Variants in DNPEP observed in about 807,000 individuals in gnomAD.
DNPEP encodes the protein aspartyl aminopeptidase.
In DNPEP, 46 loss-of-function variants were observed where a neutral mutation model predicts 59.1. That is an observed-to-expected ratio of 0.78 (90% CI 0.61 to 0.99). The LOEUF is 0.99. Among genes scored for constraint, DNPEP ranks in the 50% least tolerant of loss-of-function variants. The pLI, the probability that DNPEP is intolerant of heterozygous loss-of-function variation, is 0.00. For missense variants in DNPEP, 617 were observed against 649.9 expected (o/e 0.95, Z 0.55); for synonymous variants, 229 against 242.2 (o/e 0.95, Z 0.50).
upstream of DNPEP, among the ~76,000 whole-genome samples, chr2:219,389,520 C>T (rs1204604505): frequency 6.6e-6 from 1 of 152,118 alleles, no homozygotes; most frequent in East Asian, 1.9e-4. Flanking sequence ...CATGGCATTC[C>T]CTAACCGTTT....
Position 219,386,331 on chromosome 2 carries a change from G to A in DNPEP, c.414C>T (p.Thr138=), listed in dbSNP as rs1953830754. 2 of 1,614,066 alleles carry A rather than the reference G, an allele frequency of 1.2e-6. No individual in the cohort carries two copies. Among genetic ancestry groups the A allele is most frequent in the African/African-American group, 1.3e-5 (1 of 74,910 alleles). The change falls in exon 5 of 15, where the codon ACC becomes ACT. Residue 138 remains threonine (T), a synonymous_variant. Coordinates refer to ENST00000273075, the MANE Select transcript of DNPEP (RefSeq NM_012100.4). The part of the protein sequence containing the change: ...VETYGGGIWS[T]WFDRDLTLAG... ...CCAGAGTCAGGTCACGGTCAAACCA[G>A]GTGCTCCAGATCCCACCACCATAGG...
At chr2:219,384,812 C>A in intron 8 of DNPEP, 1 of 198,388 alleles carries the variant, frequency 5.0e-6, no homozygotes, top group South Asian at 7.6e-5. Flanking sequence ...CATGTGATTC[C>A]CCCCGCCTCA....
upstream of DNPEP, among the ~76,000 whole-genome samples, chr2:219,392,865 A>G (rs992868119): frequency 6.6e-6 from 1 of 151,646 alleles, no homozygotes; most frequent in Non-Finnish European, 1.5e-5. Context: ...TGTCTTCATG[A>G]CTCTCCTACC....
At chr2:219,397,562 A>G (rs1185009400) in intron 1 of DNPEP, among the ~76,000 whole-genome samples, 2 of 152,202 alleles carry the variant, frequency 1.3e-5, no homozygotes, top group African/African-American at 4.8e-5. Context: ...TTAAGACATT[A>G]CACTGGAGAT....
In DNPEP at chr2:219,385,616, A is replaced by C; in HGVS notation, c.666+15T>G. Reference sequence around the variant, plus strand: ...GGACTCTGCCGCCCTCCCCATGATCAGGAGACTCTCTTACCACAGCATTGA... The same window carrying C: ...GGACTCTGCCGCCCTCCCCATGATCCGGAGACTCTCTTACCACAGCATTGA... On this transcript the variant is annotated intron_variant, in intron 7 of 14. Coordinates refer to ENST00000273075, the MANE Select transcript of DNPEP (RefSeq NM_012100.4). 1 of 1,612,668 alleles carries C rather than the reference A, an allele frequency of 6.2e-7. No individual in the cohort carries two copies.
chr2:219,390,825 C>T (rs2125149992), upstream of DNPEP, among the ~76,000 whole-genome samples: 1 of 150,946 alleles, frequency 6.6e-6, no homozygotes, highest in Middle Eastern at 3.4e-3. Context: ...TGCGAGACTC[C>T]AACTCAAAAA....
At chr2:219,391,354 C>T (rs116361062), upstream of DNPEP, among the ~76,000 whole-genome samples, 1,762 of 152,126 alleles carry the variant, frequency 0.012, 17 homozygotes, top group Middle Eastern at 0.024. Flanking sequence ...TCCCCGTGGC[C>T]GATTTCAAGC....
intron 1 of DNPEP, 152 bp from the exon 2 acceptor site, chr2:219,387,315 C>T: frequency 6.9e-7 from 1 of 1,447,102 alleles, no homozygotes. Context: ...GACCCAAACC[C>T]AGGGCTGAAA....
At chr2:219,382,701 T>C (rs1953650616) in intron 10 of DNPEP, among the ~76,000 whole-genome samples, 1 of 152,114 alleles carries the variant, frequency 6.6e-6, no homozygotes, top group Admixed American at 6.5e-5. Flanking sequence ...AATCCTGAAA[T>C]GGAAGTCATG....
At chr2:219,384,548 C>T (rs1953729978) in intron 8 of DNPEP, 105 bp from the exon 9 acceptor site, 4 of 891,416 alleles carry the variant, frequency 4.5e-6, no homozygotes, top group South Asian at 3.2e-5. Flanking sequence ...TCTCCCTGAC[C>T]CCTGGCTTAG....
At chr2:219,381,808 A>G (rs1953615165) in intron 11 of DNPEP, 171 bp downstream of exon 11, 1 of 899,292 alleles carries the variant, frequency 1.1e-6, no homozygotes, top group South Asian at 1.6e-5. Flanking sequence ...TAGGCATTGC[A>G]TGACTTTGAC....
intron 10 of DNPEP, 26 bp from the exon 11 acceptor site, chr2:219,382,165 G>A (rs1953632242): frequency 6.3e-7 from 1 of 1,599,338 alleles, no homozygotes; most frequent in Non-Finnish European, 8.5e-7. Flanking sequence ...TCCTGACTCT[G>A]GGAATCTGGG....
At chr2:219,390,407 T>C (rs1430179478), upstream of DNPEP, among the ~76,000 whole-genome samples, 2 of 152,106 alleles carry the variant, frequency 1.3e-5, no homozygotes, top group Non-Finnish European at 2.9e-5. Context: ...CTAGAAAATA[T>C]AAAAGTAAAA....
rs1411701239 is a variant in DNPEP at position 219,373,086 on chromosome 2, T to C, written c.*1206A>G. 6.6e-6 allele frequency among the ~76,000 whole-genome samples: 1 copy of C among 151,896 alleles called. No individual in the cohort carries two copies. The highest frequency in any genetic ancestry group is 1.5e-5 in the Non-Finnish European group (1 of 67,942). ...ACTTTTTCTTTTTCTTTTTTTTTTT[T>C]TGAGAGAGTTTCACCCTTGTTGCCC... On this transcript the variant is annotated 3_prime_UTR_variant, in exon 15 of 15. Transcript: ENST00000273075.
intron 1 of DNPEP, among the ~76,000 whole-genome samples, chr2:219,398,203 A>G (rs944896239): frequency 6.6e-6 from 1 of 152,240 alleles, no homozygotes; most frequent in African/African-American, 2.4e-5. Context: ...TTAAGTGGGC[A>G]GTACTTGTGA....
In DNPEP at chr2:219,374,207, C is replaced by A; in HGVS notation, c.*85G>T. 1 of 1,285,590 alleles carries A rather than the reference C, an allele frequency of 7.8e-7. No homozygotes were observed. Among genetic ancestry groups the A allele is most frequent in the Non-Finnish European group, 1.1e-6 (1 of 883,936 alleles). 79.6% of individuals were successfully genotyped at this position (1,285,590 alleles called of 1,614,324 possible). On this transcript the variant is annotated 3_prime_UTR_variant, in exon 15 of 15. Transcript: ENST00000273075. ...TAGCACGGAGAGTCTGAGTGACAATCCACTTTAATAATCCAGCTTCAGCTC... is the reference window on the plus strand; with the variant it reads ...TAGCACGGAGAGTCTGAGTGACAATACACTTTAATAATCCAGCTTCAGCTC...
At chr2:219,375,896 T>C (rs1953353367) in intron 13 of DNPEP, among the ~76,000 whole-genome samples, 2 of 152,058 alleles carry the variant, frequency 1.3e-5, no homozygotes, top group Non-Finnish European at 1.5e-5. Flanking sequence ...GCTATGTCCA[T>C]GGAAATGGAC....
At chr2:219,377,589 T>A (rs569070970) in intron 13 of DNPEP, among the ~76,000 whole-genome samples, 1 of 152,196 alleles carries the variant, frequency 6.6e-6, no homozygotes, top group East Asian at 1.9e-4. Flanking sequence ...CGGAAAGTGA[T>A]CTGTGCATTA....
intron 1 of DNPEP, chr2:219,399,896 GA>G (rs987973722): frequency 1.4e-5 from 21 of 1,550,462 alleles, no homozygotes; most frequent in African/African-American, 2.7e-5. Context: ...AGCTGTTGGG[GA>G]CGAACATGAT....
Sources: allele counts gnomAD v4.1 joint callset (sites outside exome capture counted in the v4.1 genomes callset), GRCh38; gene constraint gnomAD v4.1.1; transcripts MANE v1.5; gene names NCBI Gene and HGNC (gene_info 2026-07-23, HGNC 2026-07-21).